The following CSMD1 variants were observed in gnomAD, a reference collection of about 807,000 sequenced individuals.
The protein encoded by CSMD1 is CUB and Sushi multiple domains 1.
A neutral mutation model predicts 417.5 loss-of-function variants in CSMD1; 213 were observed. That is an observed-to-expected ratio of 0.51 (90% CI 0.46 to 0.57). The LOEUF (loss-of-function observed/expected upper bound fraction) is 0.57. Ranked by LOEUF, CSMD1 falls within the 20% of genes least tolerant of loss-of-function variation. The pLI is 0.00. For missense variants in CSMD1, 6,923 were observed against 4,529.7 expected, an observed-to-expected ratio of 1.53 and a Z score of -15.17; for synonymous variants, 2,862 against 1,736.8, an observed-to-expected ratio of 1.65 and a Z score of -16.11.
intron 23 of CSMD1, among the ~76,000 whole-genome samples, chr8:3,311,756 T>G (rs536105410): frequency 6.6e-6 from 1 of 152,124 alleles, no homozygotes; most frequent in Non-Finnish European, 1.5e-5. Flanking sequence ...GACAATAAAT[T>G]ATGTTCTGAT....
intron 3 of CSMD1, among the ~76,000 whole-genome samples, chr8:4,295,959 A>AC (rs557658345): frequency 2.0e-3 from 305 of 151,798 alleles, no homozygotes; most frequent in Non-Finnish European, 3.4e-3. Flanking sequence ...ACTCTGTAGA[A>AC]CATTTTCCTG....
intron 46 of CSMD1, among the ~76,000 whole-genome samples, chr8:3,105,494 C>T (rs6986645): frequency 0.97 from 148,139 of 152,348 alleles, 72,047 homozygotes; most frequent in African/African-American, 0.99. Context: ...GTTTTTCAAG[C>T]CTTTTTCATT....
intron 2 of CSMD1, among the ~76,000 whole-genome samples, chr8:4,455,140 G>C (rs35884056): frequency 0.23 from 34,490 of 152,020 alleles, 4,331 homozygotes; most frequent in Middle Eastern, 0.31. Flanking sequence ...AAGAGGATTT[G>C]GACAACAGCC....
chr8:3,813,924 G>C (rs74814327), intron 5 of CSMD1, among the ~76,000 whole-genome samples: 1 of 152,176 alleles, frequency 6.6e-6, no homozygotes, highest in Non-Finnish European at 1.5e-5. Flanking sequence ...TGTTAAGTCT[G>C]TTGCTTCTGG....
chr8:4,419,991 A>G lies in CSMD1; in HGVS notation c.377T>C (p.Phe126Ser). 1 of 1,589,464 alleles carries G rather than the reference A, an allele frequency of 6.3e-7. No homozygotes were observed. Among genetic ancestry groups the G allele is most frequent in the Non-Finnish European group, 8.6e-7 (1 of 1,166,920 alleles). The stretch of plus-strand genomic sequence containing the variant: ...TTTGAAACCTTGGGCACTCACAGCG[A>G]AGTCTGTCGTGAACCACAGAGTGAG... ...SILTLWFTTD[F>S]AVSAQGFKAL... Residue 126 changes from phenylalanine to serine, a missense_variant, in exon 3 of 70, where the codon TTC becomes TCC. By Grantham distance (155) the Phe-to-Ser change is radical (BLOSUM62 -2). Transcript: ENST00000635120.
At chr8:4,953,365 C>A (rs1808876571) in intron 1 of CSMD1, among the ~76,000 whole-genome samples, 1 of 152,064 alleles carries the variant, frequency 6.6e-6, no homozygotes, top group South Asian at 2.1e-4. Flanking sequence ...CCTGAATCAC[C>A]ATTTATGGAA....
At chr8:4,027,056 G>C (rs887393152) in intron 4 of CSMD1, among the ~76,000 whole-genome samples, 2 of 152,200 alleles carry the variant, frequency 1.3e-5, no homozygotes, top group Non-Finnish European at 2.9e-5. Context: ...AAAAGAAGCA[G>C]ATAGTTCTCA....
chr8:4,511,718 C>G (rs1341034374), intron 2 of CSMD1, among the ~76,000 whole-genome samples: 1 of 152,136 alleles, frequency 6.6e-6, no homozygotes, highest in Non-Finnish European at 1.5e-5. Flanking sequence ...CTGCTGCTGG[C>G]TCAGTGTTCC....
intron 3 of CSMD1, among the ~76,000 whole-genome samples, chr8:4,034,833 G>A (rs1251009541): frequency 6.6e-6 from 1 of 152,116 alleles, no homozygotes; most frequent in African/African-American, 2.4e-5. Flanking sequence ...AACAGAAGGT[G>A]TCCAGATAAT....
chr8:3,196,695 G>A (rs993648073), intron 33 of CSMD1, among the ~76,000 whole-genome samples: 1 of 152,162 alleles, frequency 6.6e-6, no homozygotes, highest in Admixed American at 6.5e-5. Context: ...ACTCATGCCT[G>A]AGCCACAGCT....
intron 2 of CSMD1, among the ~76,000 whole-genome samples, chr8:4,572,264 C>G (rs546364974): frequency 1.6e-3 from 238 of 152,238 alleles, no homozygotes; most frequent in African/African-American, 5.5e-3. Context: ...CCAGTTTTTC[C>G]TTTCCATATT....
At chr8:3,096,238 A>G (rs559165939) in intron 47 of CSMD1, among the ~76,000 whole-genome samples, 5 of 152,264 alleles carry the variant, frequency 3.3e-5, no homozygotes, top group Middle Eastern at 6.8e-3. Context: ...AAAAGTGACA[A>G]TGTTAACAAT....
chr8:2,988,117 T>C (rs1298494158), intron 54 of CSMD1, among the ~76,000 whole-genome samples: 1 of 152,194 alleles, frequency 6.6e-6, no homozygotes, highest in African/African-American at 2.4e-5. Flanking sequence ...TTTTACTATT[T>C]TAACATTTTG....
intron 7 of CSMD1, among the ~76,000 whole-genome samples, chr8:3,660,624 G>T (rs963820987): frequency 6.7e-6 from 1 of 150,142 alleles, no homozygotes; most frequent in Non-Finnish European, 1.5e-5. Flanking sequence ...AGGTTCAAGC[G>T]ATTCTCCTAC....
chr8:3,244,004 C>T (rs1316997482), intron 26 of CSMD1, among the ~76,000 whole-genome samples: 1 of 151,994 alleles, frequency 6.6e-6, no homozygotes, highest in Non-Finnish European at 1.5e-5. Context: ...TTAAAACATC[C>T]CTGCGTACCT....
At chr8:4,523,049 T>A (rs1803558610) in intron 2 of CSMD1, among the ~76,000 whole-genome samples, 1 of 152,218 alleles carries the variant, frequency 6.6e-6, no homozygotes. Context: ...TCATAAGCTC[T>A]GCAGAGCTGC....
chr8:4,908,322 T>G (rs1027565512), intron 1 of CSMD1, among the ~76,000 whole-genome samples: 1 of 152,218 alleles, frequency 6.6e-6, no homozygotes, highest in African/African-American at 2.4e-5. Flanking sequence ...GCATATGATA[T>G]AGGTAGGTGT....
intron 1 of CSMD1, among the ~76,000 whole-genome samples, chr8:4,747,352 T>C (rs1811026282): frequency 6.6e-6 from 1 of 152,170 alleles, no homozygotes; most frequent in Admixed American, 6.5e-5. Context: ...ATATGATAGT[T>C]AATATTCTAG....
intron 1 of CSMD1, among the ~76,000 whole-genome samples, chr8:4,901,692 C>T (rs370080009): frequency 1.9e-4 from 29 of 152,252 alleles, no homozygotes; most frequent in African/African-American, 6.7e-4. Flanking sequence ...TGGCAGTATG[C>T]ATACTAGCAT....
Sources: gnomAD v4.1 joint callset for allele counts (sites outside exome capture counted in the v4.1 genomes callset) on GRCh38, gnomAD v4.1.1 for gene constraint, MANE v1.5 for transcripts, NCBI Gene and HGNC (gene_info 2026-07-23, HGNC 2026-07-21) for gene names.